The following MYO18B variants were observed in gnomAD, a reference collection of about 807,000 sequenced individuals.
MYO18B encodes the protein unconventional myosin-XVIIIb.
MYO18B carries 204 observed loss-of-function variants against 273.0 expected under a neutral mutation model. The observed-to-expected ratio is 0.75, with a 90% CI of 0.67 to 0.84. MYO18B has a LOEUF of 0.84. Among genes scored for constraint, MYO18B ranks in the 40% least tolerant of loss-of-function variants. The pLI is 0.00. For synonymous variants in MYO18B, 1,330 were observed against 1,305.7 expected (o/e 1.02, Z -0.40); for missense variants, 3,212 against 3,287.6 (o/e 0.98, Z 0.56).
At chr22:25,925,282 A>G (rs1277025521) in intron 34 of MYO18B, among the ~76,000 whole-genome samples, 1 of 147,968 alleles carries the variant, frequency 6.8e-6, no homozygotes, top group Non-Finnish European at 1.5e-5. Flanking sequence ...CAGGATCTGC[A>G]TTTTTAAACA....
chr22:26,055,107 TTTA>T, the MYO18B span, among the ~76,000 whole-genome samples: 576 of 152,210 alleles, frequency 3.8e-3, 8 homozygotes, highest in South Asian at 0.051. Flanking sequence ...AGAGCTTTTG[TTTA>T]TTATTATCTG....
chr22:26,013,170 T>C (rs1327510618), intron 42 of MYO18B, among the ~76,000 whole-genome samples: 2 of 152,216 alleles, frequency 1.3e-5, no homozygotes, highest in Non-Finnish European at 2.9e-5. Flanking sequence ...CATTGCTCTA[T>C]AGTCTATGTC....
intron 39 of MYO18B, among the ~76,000 whole-genome samples, chr22:25,975,168 C>A (rs1365059962): frequency 6.6e-6 from 1 of 152,146 alleles, no homozygotes; most frequent in Non-Finnish European, 1.5e-5. Context: ...ATCCAAGAGG[C>A]GTGCACAACC....
intron 1 of MYO18B, among the ~76,000 whole-genome samples, chr22:25,748,991 A>C (rs1287815037): frequency 6.6e-6 from 1 of 152,216 alleles, no homozygotes; most frequent in Admixed American, 6.5e-5. Context: ...GGCAATAGAT[A>C]GCACTTATGC....
intron 7 of MYO18B, 84 bp from the exon 8 acceptor site, chr22:25,777,499 C>T (rs914635611): frequency 7.5e-7 from 1 of 1,339,374 alleles, no homozygotes. Flanking sequence ...GATCTGGACC[C>T]TAGGCCTGGG....
intron 22 of MYO18B, among the ~76,000 whole-genome samples, chr22:25,871,657 A>C (rs1569134459): frequency 2.0e-5 from 3 of 151,804 alleles, no homozygotes; most frequent in Non-Finnish European, 4.4e-5. Context: ...AATAATTTAG[A>C]TTTTTCTTCG....
chr22:25,768,638 T>C lies in MYO18B; in HGVS notation c.722T>C (p.Val241Ala). ...AAAGGCGAGGAGGGTCAAAGCATAGTGGGGAAGGGGCTTGGGACCCCCAAG... is the reference window on the plus strand; with the variant it reads ...AAAGGCGAGGAGGGTCAAAGCATAGCGGGGAAGGGGCTTGGGACCCCCAAG... ...LKKGEEGQSI[V>A]GKGLGTPKTT... Residue 241 changes from valine to alanine, a missense_variant, in exon 4 of 44, where the codon GTG becomes GCG. Val to Ala is a moderately conservative substitution (Grantham distance 64). Transcript: ENST00000335473. The C allele has an allele frequency of 6.5e-7, 1 of 1,526,766 alleles. No homozygotes were observed. Among genetic ancestry groups the C allele is most frequent in the Non-Finnish European group, 8.8e-7 (1 of 1,142,396 alleles). 94.6% of individuals were successfully genotyped at this position (1,526,766 alleles called of 1,614,324 possible).
intron 25 of MYO18B, among the ~76,000 whole-genome samples, chr22:25,885,724 C>T (rs936579066): frequency 3.3e-5 from 5 of 152,138 alleles, no homozygotes; most frequent in Non-Finnish European, 4.4e-5. Flanking sequence ...ATGTGGGTGT[C>T]ATGATCTTAG....
In MYO18B at chr22:25,777,603, T is replaced by G. The variant is rs763048304; in HGVS notation, c.1890T>G (p.Asp630Glu). ...SAGKVPKGRR[D>E]GLPAHIGSMA... ...TGCAGGTGCCCAAGGGCCGCCGGGA[T>G]GGCCTGCCTGCCCACATTGGCTCCA... The change falls in exon 8 of 44, where the codon GAT becomes GAG. Residue 630 changes from aspartate to glutamate, a missense_variant. By Grantham distance (45) the Asp-to-Glu change is conservative. Transcript: ENST00000335473. 1.0e-5 allele frequency: 16 copies of G among 1,597,938 alleles called. No homozygotes were observed. The highest frequency in any genetic ancestry group is 1.4e-5 in the Non-Finnish European group (16 of 1,172,546).
chr22:25,966,835 A>G (rs2092984724), intron 39 of MYO18B, among the ~76,000 whole-genome samples: 1 of 152,210 alleles, frequency 6.6e-6, no homozygotes, highest in Non-Finnish European at 1.5e-5. Flanking sequence ...AATTCTCCCA[A>G]GCTGTCTTTA....
chr22:26,036,733 C>A, the MYO18B span, among the ~76,000 whole-genome samples: 1 of 152,136 alleles, frequency 6.6e-6, no homozygotes. Context: ...TCCCTTGATC[C>A]TCAGCTTATG....
chr22:25,947,683 T>C, intron 35 of MYO18B, 29 bp from the exon 36 acceptor site: 2 of 1,583,534 alleles, frequency 1.3e-6, no homozygotes, highest in Non-Finnish European at 1.7e-6. Flanking sequence ...CCTCTCACCT[T>C]GCCTTGACCA....
intron 33 of MYO18B, among the ~76,000 whole-genome samples, chr22:25,914,096 A>G (rs1450793163): frequency 6.6e-6 from 1 of 152,022 alleles, no homozygotes. Context: ...TGCAATTACC[A>G]TGTATGCCTG....
chr22:25,806,182 G>A (rs1032478192), intron 12 of MYO18B, among the ~76,000 whole-genome samples: 2 of 152,208 alleles, frequency 1.3e-5, no homozygotes, highest in Non-Finnish European at 2.9e-5. Context: ...GAATGGAGGT[G>A]CGATGAGGGA....
intron 20 of MYO18B, among the ~76,000 whole-genome samples, chr22:25,850,503 CGAG>C (rs2090394408): frequency 1.3e-5 from 2 of 152,258 alleles, no homozygotes; most frequent in South Asian, 4.2e-4. Flanking sequence ...GTCTATAACA[CGAG>C]GAAGTTGTTA....
chr22:25,768,709 G>A lies in MYO18B; in HGVS notation c.793G>A (p.Gly265Arg). 4 of 1,578,836 alleles carry A rather than the reference G, an allele frequency of 2.5e-6. No homozygotes were observed. Among genetic ancestry groups the A allele is most frequent in the Non-Finnish European group, 3.4e-6 (4 of 1,163,876 alleles). Residue 265 changes from glycine to arginine, a missense_variant, in exon 4 of 44, where the codon GGG becomes AGG. Coordinates refer to ENST00000335473, the MANE Select transcript of MYO18B (RefSeq NM_032608.7). The stretch of plus-strand genomic sequence containing the variant: ...TGAGCCCCAGGGCAAAGACAGGCAG[G>A]GGACCAGGCCCCAAGCCCAAGGGCC... ...EAEPQGKDRQ[G>R]TRPQAQGPGE...
In MYO18B at chr22:25,977,704, A is replaced by ACCCCCAGG. The variant is rs2093106757; in HGVS notation, c.6157-14659_6157-14658insCCCCCAGG. ...CAGAGGAGACCCCCCAGGTTGGCAT[A>ACCCCCAGG]TTGCACAAGCTGTCACTCAATAGTT... On this transcript the variant is annotated intron_variant, in intron 39 of 43. Coordinates refer to ENST00000335473, the MANE Select transcript of MYO18B (RefSeq NM_032608.7). Among the ~76,000 whole-genome samples, 6 of 152,196 alleles carry ACCCCCAGG rather than the reference A, an allele frequency of 3.9e-5. 1 individual carries two copies. Among genetic ancestry groups the ACCCCCAGG allele is most frequent in the Non-Finnish European group, 7.3e-5 (5 of 68,036 alleles).
chr22:25,908,414 T>C lies in MYO18B; in HGVS notation c.5241T>C (p.Arg1747=). 1 of 1,594,550 alleles carries C rather than the reference T, an allele frequency of 6.3e-7. No homozygotes were observed. The highest frequency in any genetic ancestry group is 8.5e-7 in the Non-Finnish European group (1 of 1,170,798). The change falls in exon 32 of 44, where the codon CGT becomes CGC. Residue 1747 remains arginine, a synonymous_variant. Coordinates refer to ENST00000335473, the MANE Select transcript of MYO18B (RefSeq NM_032608.7). The part of the protein sequence containing the change: ...EDQEEELEDV[R]QSCQKRLHQL... ...AGGAGGAGGAACTGGAGGATGTCCGTCAGTCCTGCCAGAAGCGGGTACGTG... is the reference window on the plus strand; with the variant it reads ...AGGAGGAGGAACTGGAGGATGTCCGCCAGTCCTGCCAGAAGCGGGTACGTG...
intron 7 of MYO18B, among the ~76,000 whole-genome samples, chr22:25,773,208 A>G (rs1295047097): frequency 1.3e-5 from 2 of 152,128 alleles, no homozygotes; most frequent in Non-Finnish European, 2.9e-5. Context: ...TGATTGAGCT[A>G]TTGATTGAGG....
Sources: allele counts gnomAD v4.1 joint callset (sites outside exome capture counted in the v4.1 genomes callset), GRCh38; gene constraint gnomAD v4.1.1; transcripts MANE v1.5; gene names NCBI Gene and HGNC (gene_info 2026-07-23, HGNC 2026-07-21).